Variants in ZNF385D observed in about 807,000 individuals in gnomAD.
The protein encoded by ZNF385D is zinc finger protein 385D.
ZNF385D carries 15 observed loss-of-function variants against 35.8 expected under a neutral mutation model. The ratio of observed to expected loss-of-function variants is 0.42; its 90% CI spans 0.28 to 0.64. The LOEUF (loss-of-function observed/expected upper bound fraction) is 0.64. ZNF385D is among the 30% of genes least tolerant of loss of function. The pLI is 0.23. For missense variants in ZNF385D, 474 were observed against 494.6 expected, an observed-to-expected ratio of 0.96 and a Z score of 0.39; for synonymous variants, 212 against 186.8, an observed-to-expected ratio of 1.13 and a Z score of -1.10.
intron 2 of ZNF385D, among the ~76,000 whole-genome samples, chr3:22,188,217 G>A (rs894538917): frequency 6.6e-6 from 1 of 152,144 alleles, no homozygotes; most frequent in Non-Finnish European, 1.5e-5. Flanking sequence ...ATTTATTTTA[G>A]TAAGTAAAAT....
chr3:21,656,059 G>T (rs1312427887), intron 2 of ZNF385D, among the ~76,000 whole-genome samples: 1 of 151,856 alleles, frequency 6.6e-6, no homozygotes, highest in Non-Finnish European at 1.5e-5. Context: ...TGCTAAACTA[G>T]CTCCAAATAG....
intron 3 of ZNF385D, among the ~76,000 whole-genome samples, chr3:21,786,586 C>T (rs921818252): frequency 6.6e-6 from 1 of 152,118 alleles, no homozygotes; most frequent in Non-Finnish European, 1.5e-5. Flanking sequence ...GCTAGGCCAT[C>T]AGTAAGAAAA....
At chr3:21,928,330 AGGAG>A (rs1051248782) in intron 3 of ZNF385D, among the ~76,000 whole-genome samples, 14 of 130,220 alleles carry the variant, frequency 1.1e-4, no homozygotes, top group Admixed American at 2.4e-4. Context: ...GAAGGAAGGA[AGGAG>A]GGAGGGAGGG....
intron 3 of ZNF385D, among the ~76,000 whole-genome samples, chr3:21,997,250 A>C (rs1298164456): frequency 1.3e-5 from 2 of 152,200 alleles, no homozygotes; most frequent in African/African-American, 4.8e-5. Context: ...TTTCAAGGAC[A>C]GAAAACCAAA....
chr3:22,119,542 G>C (rs528023684), intron 3 of ZNF385D, among the ~76,000 whole-genome samples: 5 of 151,978 alleles, frequency 3.3e-5, no homozygotes, highest in African/African-American at 1.2e-4. Flanking sequence ...TTCCATAATG[G>C]CCTTCTCCTC....
intron 3 of ZNF385D, among the ~76,000 whole-genome samples, chr3:22,072,943 C>T (rs1259452446): frequency 6.6e-6 from 1 of 151,956 alleles, no homozygotes. Flanking sequence ...GTCCTGAGCA[C>T]ATAGAGAAGG....
intron 3 of ZNF385D, among the ~76,000 whole-genome samples, chr3:21,797,076 T>C (rs775251416): frequency 3.3e-5 from 5 of 152,148 alleles, no homozygotes; most frequent in Non-Finnish European, 7.3e-5. Context: ...TCAAGACGTA[T>C]TTGCAAAACA....
intron 3 of ZNF385D, among the ~76,000 whole-genome samples, chr3:21,768,916 A>C (rs1397030009): frequency 2.0e-5 from 3 of 152,026 alleles, no homozygotes; most frequent in African/African-American, 7.2e-5. Flanking sequence ...AAACTACTAA[A>C]TAAATGGGAA....
At chr3:21,545,767 A>G (rs1258370235) in intron 3 of ZNF385D, among the ~76,000 whole-genome samples, 1 of 152,196 alleles carries the variant, frequency 6.6e-6, no homozygotes, top group Non-Finnish European at 1.5e-5. Context: ...CCTCCTCTAC[A>G]CAGTCCCTAA....
chr3:21,602,542 T>G, intron 2 of ZNF385D, among the ~76,000 whole-genome samples: 1 of 111,786 alleles, frequency 8.9e-6, no homozygotes. Context: ...TTTTTTTTTT[T>G]TGAGACGGAG....
intron 3 of ZNF385D, among the ~76,000 whole-genome samples, chr3:21,849,899 C>G (rs1406632030): frequency 6.6e-6 from 1 of 151,978 alleles, no homozygotes; most frequent in Admixed American, 6.6e-5. Context: ...GTTTGCACCA[C>G]ATCCAGCAAA....
At position 21,920,086 on chromosome 3, in the gene ZNF385D, T is replaced by A. The variant is rs184116846; in HGVS notation, c.325+248731A>T. ...AAGTATATTTTGGTATAGTGGTTTTTAAATTTTTAAATGGTTAAAAGGAAA... is the reference window on the plus strand; with the variant it reads ...AAGTATATTTTGGTATAGTGGTTTTAAAATTTTTAAATGGTTAAAAGGAAA... On this transcript the variant is annotated intron_variant, in intron 3 of 5. Coordinates refer to the ZNF385D transcript ENST00000494108. Among the ~76,000 whole-genome samples, 351 of 152,322 alleles carry A rather than the reference T, an allele frequency of 2.3e-3. 2 individuals carry two copies. Among genetic ancestry groups the A allele is most frequent in the African/African-American group, 8.0e-3 (332 of 41,570 alleles).
At chr3:21,863,997 G>C (rs943977941) in intron 3 of ZNF385D, among the ~76,000 whole-genome samples, 1 of 152,166 alleles carries the variant, frequency 6.6e-6, no homozygotes, top group East Asian at 1.9e-4. Context: ...TGATACTCAT[G>C]ATGCCGGTTC....
chr3:21,859,158 A>C (rs1696898575), intron 3 of ZNF385D, among the ~76,000 whole-genome samples: 1 of 152,066 alleles, frequency 6.6e-6, no homozygotes, highest in Admixed American at 6.6e-5. Context: ...AATAGTAAGG[A>C]AACACAGGTA....
chr3:21,798,231 C>G (rs1333254143), intron 3 of ZNF385D, among the ~76,000 whole-genome samples: 4 of 152,192 alleles, frequency 2.6e-5, no homozygotes, highest in Non-Finnish European at 4.4e-5. Context: ...ACACACAACT[C>G]TCTCATGACA....
At chr3:21,945,311 T>C (rs1006242418) in intron 3 of ZNF385D, among the ~76,000 whole-genome samples, 6 of 152,122 alleles carry the variant, frequency 3.9e-5, no homozygotes, top group African/African-American at 9.6e-5. Flanking sequence ...TTTGTGAATA[T>C]TGTCTGGTCT....
At chr3:21,915,259 A>G (rs922604533) in intron 3 of ZNF385D, among the ~76,000 whole-genome samples, 1 of 152,062 alleles carries the variant, frequency 6.6e-6, no homozygotes, top group Admixed American at 6.6e-5. Context: ...TCTGTATACT[A>G]CAGAACTGCT....
At chr3:21,882,808 G>A (rs1287641057) in intron 3 of ZNF385D, among the ~76,000 whole-genome samples, 1 of 151,988 alleles carries the variant, frequency 6.6e-6, no homozygotes, top group Admixed American at 6.6e-5. Context: ...AGCTAATTAT[G>A]TAGAGTTTTT....
intron 4 of ZNF385D, among the ~76,000 whole-genome samples, chr3:21,493,547 TA>T (rs971486104): frequency 6.6e-6 from 1 of 152,150 alleles, no homozygotes; most frequent in African/African-American, 2.4e-5. Context: ...TAAGTAACAC[TA>T]TATACTGATC....
Sources: allele counts gnomAD v4.1 joint callset (sites outside exome capture counted in the v4.1 genomes callset), GRCh38; gene constraint gnomAD v4.1.1; transcripts MANE v1.5; gene names NCBI Gene and HGNC (gene_info 2026-07-23, HGNC 2026-07-21).